Variants in KLF15 observed in about 807,000 individuals in gnomAD.
The protein encoded by KLF15 is KLF transcription factor 15, also known as Krueppel-like factor 15.
In KLF15, 4 loss-of-function variants were observed where a neutral mutation model predicts 24.6. That is an observed-to-expected ratio of 0.16 (90% confidence interval 0.08 to 0.37). The LOEUF (loss-of-function observed/expected upper bound fraction) is 0.37. Ranked by LOEUF, KLF15 falls within the 10% of genes least tolerant of loss-of-function variation. The pLI, the probability that KLF15 is intolerant of heterozygous loss-of-function variation, is 1.00. For missense variants in KLF15, 496 were observed against 560.6 expected (o/e 0.88, Z 1.16); for synonymous variants, 246 against 236.3 (o/e 1.04, Z -0.37).
chr3:126,343,365 G>A lies in KLF15; in HGVS notation c.*362C>T. 7.3e-6 allele frequency: 2 copies of A among 272,312 alleles called. No homozygotes were observed. Among genetic ancestry groups the A allele is most frequent in the Non-Finnish European group, 1.4e-5 (2 of 144,834 alleles). The allele number at this position is 272,312 out of a possible 1,614,324, so 16.9% of individuals were successfully genotyped here. ...ATCTTCCCCTAGCACTAAAGTTCTGGCCTTGGCCCAGGATGGGGGAGCCCA... is the reference window on the plus strand; with the variant it reads ...ATCTTCCCCTAGCACTAAAGTTCTGACCTTGGCCCAGGATGGGGGAGCCCA... On this transcript the variant is annotated 3_prime_UTR_variant, in exon 3 of 3. Coordinates refer to ENST00000296233, the MANE Select transcript of KLF15 (RefSeq NM_014079.4).
At chr3:126,326,623 C>T in the KLF15 span, among the ~76,000 whole-genome samples, 3 of 152,200 alleles carry the variant, frequency 2.0e-5, no homozygotes, top group Non-Finnish European at 4.4e-5. Flanking sequence ...ACAGATCGCA[C>T]ACCCTGAACG....
downstream of KLF15, among the ~76,000 whole-genome samples, chr3:126,340,968 G>A (rs1398806842): frequency 6.6e-6 from 1 of 152,198 alleles, no homozygotes; most frequent in Admixed American, 6.5e-5. Flanking sequence ...CACTTACCAC[G>A]TGCCACCACG....
At chr3:126,349,055 TCCTC>T (rs1396232308) in intron 2 of KLF15, among the ~76,000 whole-genome samples, 3 of 152,070 alleles carry the variant, frequency 2.0e-5, no homozygotes, top group African/African-American at 7.2e-5. Flanking sequence ...GCGGGGTCCA[TCCTC>T]CCTCCTGACT....
the KLF15 span, among the ~76,000 whole-genome samples, chr3:126,291,641 G>A: frequency 1.3e-3 from 192 of 152,378 alleles, no homozygotes; most frequent in African/African-American, 4.3e-3. Context: ...GCTGCGTCCC[G>A]GCCTTTGCCA....
At chr3:126,350,023 G>A (rs2082570450) in intron 2 of KLF15, among the ~76,000 whole-genome samples, 1 of 152,202 alleles carries the variant, frequency 6.6e-6, no homozygotes, top group Non-Finnish European at 1.5e-5. Flanking sequence ...CAAAGGGCTA[G>A]CCCTCCACTC....
chr3:126,325,030 A>G, the KLF15 span, among the ~76,000 whole-genome samples: 2 of 96,502 alleles, frequency 2.1e-5, no homozygotes, highest in East Asian at 2.9e-4. Flanking sequence ...TCATTGTTCA[A>G]TTCCCACCTA....
At chr3:126,327,275 C>A in the KLF15 span, among the ~76,000 whole-genome samples, 2 of 152,096 alleles carry the variant, frequency 1.3e-5, no homozygotes, top group Admixed American at 6.6e-5. Context: ...GGGTGGGAAG[C>A]GTGGGGCAGA....
chr3:126,300,583 T>A, the KLF15 span, among the ~76,000 whole-genome samples: 1 of 152,172 alleles, frequency 6.6e-6, no homozygotes, highest in Non-Finnish European at 1.5e-5. Context: ...CCTTTCCCCG[T>A]CCCCATGCTC....
At chr3:126,324,773 A>T in the KLF15 span, among the ~76,000 whole-genome samples, 254 of 59,150 alleles carry the variant, frequency 4.3e-3, no homozygotes, top group Non-Finnish European at 5.8e-3. Context: ...TTTTTCATTG[A>T]TCTTTTTGCT....
the KLF15 span, among the ~76,000 whole-genome samples, chr3:126,323,447 T>TTATATATA: frequency 2.1e-4 from 11 of 52,222 alleles, no homozygotes; most frequent in East Asian, 5.7e-4. Context: ...CATATATATG[T>TTATATATA]TATATATATA....
At chr3:126,328,130 C>G in the KLF15 span, among the ~76,000 whole-genome samples, 2 of 148,550 alleles carry the variant, frequency 1.3e-5, no homozygotes, top group African/African-American at 4.9e-5. Flanking sequence ...CATTCTTATG[C>G]CTTTGTATCC....
rs576073465 is a variant in KLF15 at position 126,344,340 on chromosome 3, G to A, written c.1083-445C>T. ...TTCCCAAAGTGCTGGGATTAAAGGC[G>A]TGAGCCACTGTGCCAAGCTGCCCCT... On this transcript the variant is annotated intron_variant, in intron 2 of 2. Transcript: ENST00000296233. Among the ~76,000 whole-genome samples the A allele has an allele frequency of 8.6e-5, 13 of 152,040 alleles. No homozygotes were observed. In the South Asian group the frequency reaches 2.1e-3, roughly 24 times the overall value.
the KLF15 span, among the ~76,000 whole-genome samples, chr3:126,335,706 G>C: frequency 2.2e-5 from 3 of 134,806 alleles, no homozygotes; most frequent in African/African-American, 8.6e-5. Context: ...TCCTTAAGCT[G>C]ATAAGCAACT....
At chr3:126,320,536 A>T in the KLF15 span, among the ~76,000 whole-genome samples, 1 of 152,176 alleles carries the variant, frequency 6.6e-6, no homozygotes, top group African/African-American at 2.4e-5. Flanking sequence ...TCCTGTGCAC[A>T]TGTGTTTGAG....
chr3:126,306,681 T>C, the KLF15 span, among the ~76,000 whole-genome samples: 10 of 152,276 alleles, frequency 6.6e-5, no homozygotes, highest in African/African-American at 2.4e-4. Context: ...CATGTGTGTA[T>C]GGCCTATTCA....
At chr3:126,314,371 G>C in the KLF15 span, among the ~76,000 whole-genome samples, 1 of 152,228 alleles carries the variant, frequency 6.6e-6, no homozygotes, top group African/African-American at 2.4e-5. Context: ...GTCTTCCTTT[G>C]AATGGGCCAA....
the KLF15 span, among the ~76,000 whole-genome samples, chr3:126,302,496 A>T: frequency 6.6e-6 from 1 of 152,082 alleles, no homozygotes; most frequent in African/African-American, 2.4e-5. Flanking sequence ...TAAATATTAG[A>T]TTATGATTGT....
the KLF15 span, among the ~76,000 whole-genome samples, chr3:126,289,986 G>A: frequency 6.6e-6 from 1 of 152,182 alleles, no homozygotes; most frequent in Non-Finnish European, 1.5e-5. Flanking sequence ...GCATGTAGGG[G>A]AATGGTCAGT....
the KLF15 span, among the ~76,000 whole-genome samples, chr3:126,306,244 T>C: frequency 6.6e-6 from 1 of 152,014 alleles, no homozygotes; most frequent in Admixed American, 6.6e-5. Flanking sequence ...CGCCCAGGGG[T>C]GGACTTTCCT....
Sources: allele counts gnomAD v4.1 joint callset (sites outside exome capture counted in the v4.1 genomes callset), GRCh38; gene constraint gnomAD v4.1.1; transcripts MANE v1.5; gene names NCBI Gene and HGNC (gene_info 2026-07-23, HGNC 2026-07-21).